Variants in TCF20 observed in about 807,000 individuals in gnomAD.
The protein encoded by TCF20 is transcription factor 20.
In TCF20, 3 loss-of-function variants were observed where a neutral mutation model predicts 148.6. The ratio of observed to expected loss-of-function variants is 0.02; its 90% CI spans 0.01 to 0.05. TCF20 has a LOEUF of 0.05. Ranked by LOEUF, TCF20 falls within the 10% of genes least tolerant of loss-of-function variation. The probability of loss-of-function intolerance (pLI) is 1.00; values close to 1 mark genes in which losing one functional copy is unlikely to be tolerated. For synonymous variants in TCF20, 1,049 were observed against 909.5 expected, an observed-to-expected ratio of 1.15 and a Z score of -2.76; for missense variants, 2,350 against 2,429.3, an observed-to-expected ratio of 0.97 and a Z score of 0.69.
Position 42,292,447 on chromosome 22 carries a change from G to A in TCF20, c.-37+51032C>T, listed in dbSNP as rs1156413444. On this transcript the variant is annotated intron_variant, in intron 1 of 1. Coordinates refer to the TCF20 transcript ENST00000515426. The surrounding 1 kb of genome is among the most constrained non-coding windows in gnomAD (Gnocchi z 4.9). ...GACTCACTTGACAGATGAGGAATCC[G>A]AGGCAGAGCTGGGACTCAGCTAGGA... Among the ~76,000 whole-genome samples the A allele has an allele frequency of 7.9e-5, 12 of 152,172 alleles. No homozygotes were observed. Among genetic ancestry groups the A allele is most frequent in the Non-Finnish European group, 1.2e-4 (8 of 68,042 alleles).
At chr22:42,259,272 C>T (rs1466758589) in intron 1 of TCF20, among the ~76,000 whole-genome samples, 2 of 152,140 alleles carry the variant, frequency 1.3e-5, no homozygotes, top group Non-Finnish European at 2.9e-5. Flanking sequence ...AACATAACTC[C>T]CTGGGGGGTT....
rs956059106 is a variant in TCF20, at chr22:42,292,975, CAT to C, written c.-37+50502_-37+50503del. 6.6e-6 allele frequency among the ~76,000 whole-genome samples: 1 copy of C among 151,462 alleles called. No homozygotes were observed. The highest frequency in any genetic ancestry group is 2.4e-5 in the African/African-American group (1 of 41,148). ...GGTTTGAATTTCAGGAGCTGGGCCT[CAT>C]AGGCAGGGCAGAAAGGCCAGGGAGT... is the stretch of plus-strand genomic sequence containing the variant. On this transcript the variant is annotated intron_variant, in intron 1 of 1. Coordinates refer to the TCF20 transcript ENST00000515426. The surrounding 1 kb of genome is among the most constrained non-coding windows in gnomAD (Gnocchi z 4.9).
intron 1 of TCF20, among the ~76,000 whole-genome samples, chr22:42,289,150 G>A (rs935433856): frequency 8.5e-5 from 13 of 152,176 alleles, no homozygotes; most frequent in African/African-American, 3.1e-4. Context: ...CTCCACTGCT[G>A]CCCTAAGTTA....
rs1414362509 is a variant in TCF20 at position 42,210,977 on chromosome 22, G to A, written c.4329C>T (p.Asp1443=). The A allele has an allele frequency of 1.2e-6, 2 of 1,613,964 alleles. No individual in the cohort carries two copies. The highest frequency in any genetic ancestry group is 2.7e-5 in the African/African-American group (2 of 74,880). The change falls in exon 2 of 6, where the codon GAC becomes GAT. Residue 1443 remains aspartate, a synonymous_variant. Coordinates refer to ENST00000677622, the MANE Select transcript of TCF20 (RefSeq NM_001378418.1). The surrounding 1 kb of genome is among the most constrained non-coding windows in gnomAD (Gnocchi z 4.7). ...SSEEWRGSVD[D]KVKTETHAET... ...CTGCATGTGTCTCTGTCTTCACTTT[G>A]TCATCCACGCTGCCACGCCACTCTT...
rs3045578 is a variant in TCF20 at position 42,243,292 on chromosome 22, CAAAA to C, written c.-37+27043_-37+27046del. Among the ~76,000 whole-genome samples, 223 of 39,466 alleles carry C rather than the reference CAAAA, an allele frequency of 5.7e-3. 1 individual carries two copies. Among genetic ancestry groups the C allele is most frequent in the Middle Eastern group, 0.043 (2 of 46 alleles). 25.9% of individuals were successfully genotyped at this position (39,466 alleles called of 152,430 possible). ...TGGCTGGCAGAGCAAGACACTGTCT[CAAAA>C]AAAAAAAAAAAAAAAAAAAAAAAAA... On this transcript the variant is annotated intron_variant, in intron 1 of 5. Transcript: ENST00000677622.
intron 2 of TCF20, among the ~76,000 whole-genome samples, chr22:42,181,064 T>C (rs1936749205): frequency 6.6e-6 from 1 of 152,234 alleles, no homozygotes; most frequent in African/African-American, 2.4e-5. Flanking sequence ...GCATTTCTAG[T>C]AGCCCTAGAC....
At chr22:42,190,442 A>G (rs1295636594) in intron 2 of TCF20, among the ~76,000 whole-genome samples, 1 of 148,318 alleles carries the variant, frequency 6.7e-6, no homozygotes, top group Non-Finnish European at 1.5e-5. Context: ...CCTGGATGAC[A>G]GGGCAAGACC....
At chr22:42,242,093 C>T (rs1924454953) in intron 1 of TCF20, among the ~76,000 whole-genome samples, 1 of 150,748 alleles carries the variant, frequency 6.6e-6, no homozygotes, top group South Asian at 2.1e-4. Flanking sequence ...GTCCCAGCTA[C>T]TCGGGAGGCC....
Position 42,313,597 on chromosome 22 carries a change from C to CTTTT in TCF20, c.-37+29878_-37+29881dup, listed in dbSNP as rs551146210. On this transcript the variant is annotated intron_variant, in intron 1 of 1. Coordinates refer to the TCF20 transcript ENST00000515426. The stretch of plus-strand genomic sequence containing the variant: ...CACTGCAGCCTCAACAGAATTCTTT[C>CTTTT]TTTTTTTTTTTTTTTTTTTTGAGAC... Among the ~76,000 whole-genome samples, 47 of 120,270 alleles carry CTTTT rather than the reference C, an allele frequency of 3.9e-4. 1 individual carries two copies. Among genetic ancestry groups the CTTTT allele is most frequent in the East Asian group, 7.0e-4 (3 of 4,262 alleles). 78.9% of individuals were successfully genotyped at this position (120,270 alleles called of 152,430 possible).
At chr22:42,262,461 G>C (rs921033156) in intron 1 of TCF20, among the ~76,000 whole-genome samples, 2 of 152,118 alleles carry the variant, frequency 1.3e-5, no homozygotes, top group African/African-American at 4.8e-5. Context: ...AGGACAAAGA[G>C]TTTGTGAGGA....
chr22:42,225,507 G>A (rs1325984508), intron 1 of TCF20, among the ~76,000 whole-genome samples: 11 of 150,766 alleles, frequency 7.3e-5, no homozygotes, highest in African/African-American at 1.7e-4. Flanking sequence ...CCAGCTACTC[G>A]GGAGGCTGAG....
chr22:42,188,173 A>G (rs946882794), intron 2 of TCF20, among the ~76,000 whole-genome samples: 1 of 151,748 alleles, frequency 6.6e-6, no homozygotes, highest in Non-Finnish European at 1.5e-5. Flanking sequence ...GCATGGCTGT[A>G]ATCCCAGCTA....
At chr22:42,335,694 G>T (rs1928054148) in intron 1 of TCF20, among the ~76,000 whole-genome samples, 1 of 152,204 alleles carries the variant, frequency 6.6e-6, no homozygotes, top group African/African-American at 2.4e-5. Flanking sequence ...GGGCAAGAAA[G>T]AACTGGGCTC....
chr22:42,191,129 C>T (rs1937311904), intron 2 of TCF20, among the ~76,000 whole-genome samples: 3 of 152,170 alleles, frequency 2.0e-5, no homozygotes, highest in Non-Finnish European at 4.4e-5. Flanking sequence ...AAGCATTACT[C>T]AAGAAGGCCT....
At chr22:42,169,812 A>G in intron 4 of TCF20, 35 bp downstream of exon 4, 1 of 1,612,330 alleles carries the variant, frequency 6.2e-7, no homozygotes, top group South Asian at 1.1e-5. Flanking sequence ...CCTCGATCCC[A>G]TCCCTGCTGG....
intron 3 of TCF20, among the ~76,000 whole-genome samples, chr22:42,170,335 T>TA (rs71803379): frequency 0.037 from 5,220 of 139,238 alleles, 286 homozygotes; most frequent in African/African-American, 0.12. Flanking sequence ...CTGTCACTAT[T>TA]AAAAAAAAAA....
At chr22:42,278,138 A>T (rs1338212119) in intron 1 of TCF20, 13 of 152,280 alleles carry the variant, frequency 8.5e-5, no homozygotes, top group Admixed American at 8.5e-4. Context: ...GTGCACACCC[A>T]GCCTGGGCAC....
chr22:42,217,194 T>C (rs539932786), intron 1 of TCF20, among the ~76,000 whole-genome samples: 13 of 152,272 alleles, frequency 8.5e-5, no homozygotes, highest in South Asian at 2.1e-4. Flanking sequence ...CCTTGACCTC[T>C]CTGAGCTCCT....
At chr22:42,326,296 C>A (rs527737273) in intron 1 of TCF20, among the ~76,000 whole-genome samples, 28 of 152,308 alleles carry the variant, frequency 1.8e-4, no homozygotes, top group African/African-American at 5.8e-4. Flanking sequence ...CTCTGCCCCC[C>A]ACAGGAGTTG....
Sources: gnomAD v4.1 joint callset for allele counts (sites outside exome capture counted in the v4.1 genomes callset) on GRCh38, gnomAD v4.1.1 for gene constraint, Gnocchi (gnomAD v3.1) non-coding constraint, MANE v1.5 for transcripts, NCBI Gene and HGNC (gene_info 2026-07-23, HGNC 2026-07-21) for gene names.